Variants in ZNF69 observed in about 807,000 individuals in gnomAD.
The protein encoded by ZNF69 is ZNF3.
Under a neutral mutation model 50.9 loss-of-function variants are expected in ZNF69, and 47 were observed. The observed-to-expected ratio is 0.92, with a 90% CI of 0.73 to 1.18. The LOEUF (loss-of-function observed/expected upper bound fraction) is 1.18, where lower values mean the gene tolerates loss of function less well. Ranked by LOEUF, ZNF69 falls within the 50% of genes most tolerant of loss-of-function variation. The pLI is 0.00. For missense variants in ZNF69, 717 were observed against 675.1 expected, an observed-to-expected ratio of 1.06 and a Z score of -0.69; for synonymous variants, 216 against 223.1, an observed-to-expected ratio of 0.97 and a Z score of 0.29.
In ZNF69 at chr19:11,890,820, A is replaced by G. The variant is rs140331588; in HGVS notation, c.63+2834A>G. Among the ~76,000 whole-genome samples, 876 of 152,274 alleles carry G rather than the reference A, an allele frequency of 5.8e-3. 10 individuals are homozygous for G. Among genetic ancestry groups the G allele is most frequent in the African/African-American group, 0.02 (840 of 41,552 alleles). Reference sequence around the variant, plus strand: ...AGCCTCAGCTTTTATAAGGTACATGAGGAGACAAACCAGATAAATGCTTGA... The same window carrying G: ...AGCCTCAGCTTTTATAAGGTACATGGGGAGACAAACCAGATAAATGCTTGA... On this transcript the variant is annotated intron_variant, in intron 1 of 3. Transcript: ENST00000429654.
In ZNF69 at chr19:11,911,754, G is replaced by A. The variant is rs571144960; in HGVS notation, c.449-1655G>A. Among the ~76,000 whole-genome samples, 15 of 152,156 alleles carry A rather than the reference G, an allele frequency of 9.9e-5. No individual in the cohort carries two copies. The East Asian group carries it at 2.7e-3, about 27-fold the overall frequency. On this transcript the variant is annotated intron_variant, in intron 4 of 4. Transcript: ENST00000340180. ...TTAATGGGTACAGCACACCAACATG[G>A]CACGTGTATACATATGTAACAAACC...
chr19:11,888,026 G>C, intron 1 of ZNF69, 40 bp downstream of exon 1: 1 of 1,598,332 alleles, frequency 6.3e-7, no homozygotes, highest in Non-Finnish European at 8.6e-7. Context: ...CGGGGGAGGG[G>C]CTGCCTGGAC....
At chr19:11,957,541 G>T in the ZNF69 span, among the ~76,000 whole-genome samples, 1 of 152,006 alleles carries the variant, frequency 6.6e-6, no homozygotes, top group African/African-American at 2.4e-5. Context: ...GCCTAGAAGG[G>T]ATCAGTCAAA....
chr19:11,895,994 C>T (rs1353125563), intron 1 of ZNF69, among the ~76,000 whole-genome samples: 5 of 151,918 alleles, frequency 3.3e-5, no homozygotes, highest in East Asian at 1.9e-4. Context: ...CTGAGGCGGG[C>T]GGAACACCCG....
chr19:11,912,855 A>G (rs1972477416), intron 4 of ZNF69, among the ~76,000 whole-genome samples: 1 of 152,196 alleles, frequency 6.6e-6, no homozygotes, highest in Non-Finnish European at 1.5e-5. Context: ...TAAACAATTA[A>G]CTGTTTGTAA....
chr19:11,948,147 A>G, the ZNF69 span: 1 of 1,121,594 alleles, frequency 8.9e-7, no homozygotes, highest in Non-Finnish European at 1.3e-6. Flanking sequence ...GTCACCTTCA[A>G]ACGATTCAGA....
At position 11,900,200 on chromosome 19, in the gene ZNF69, C is replaced by T. The variant is rs555395528; in HGVS notation, c.64-3373C>T. ...AACTTTTGACCTCAGGTGATCCACC[C>T]GCCTCAGCTTCCCAAAGGGCTGGAT... On this transcript the variant is annotated intron_variant, in intron 1 of 3. Transcript: ENST00000429654. 4.6e-4 allele frequency among the ~76,000 whole-genome samples: 70 copies of T among 152,166 alleles called. 1 individual carries two copies. The Middle Eastern group carries it at 0.014, about 30-fold the overall frequency.
chr19:11,954,598 AG>A, the ZNF69 span, among the ~76,000 whole-genome samples: 1 of 152,176 alleles, frequency 6.6e-6, no homozygotes, highest in African/African-American at 2.4e-5. Flanking sequence ...TGGGAGGCCA[AG>A]GCAGGAGGAT....
chr19:11,911,808 TTAAAG>T (rs747318369), intron 4 of ZNF69, among the ~76,000 whole-genome samples: 1 of 152,096 alleles, frequency 6.6e-6, no homozygotes, highest in Non-Finnish European at 1.5e-5. Context: ...ACCCTAGAAC[TTAAAG>T]TATAATAATA....
the ZNF69 span, chr19:11,961,880 G>A: frequency 6.6e-6 from 1 of 151,902 alleles, no homozygotes; most frequent in Non-Finnish European, 1.5e-5. Flanking sequence ...GCTTTCCAAA[G>A]TGCTAGGATT....
the ZNF69 span, among the ~76,000 whole-genome samples, chr19:11,928,504 G>A: frequency 0.028 from 4,114 of 149,050 alleles, 237 homozygotes; most frequent in African/African-American, 0.097. Context: ...AGGCCGAGGC[G>A]GGCGGATCAC....
At chr19:11,948,124 T>G in the ZNF69 span, 1 of 879,334 alleles carries the variant, frequency 1.1e-6, no homozygotes, top group South Asian at 1.8e-5. Context: ...GGTCATCTTG[T>G]AGAACATGTC....
At chr19:11,928,273 T>C in the ZNF69 span, among the ~76,000 whole-genome samples, 1 of 152,322 alleles carries the variant, frequency 6.6e-6, no homozygotes, top group Middle Eastern at 3.4e-3. Flanking sequence ...GATACAGATA[T>C]CAGCCACTGC....
At chr19:11,895,186 G>C (rs1263751727) in intron 1 of ZNF69, among the ~76,000 whole-genome samples, 2 of 152,160 alleles carry the variant, frequency 1.3e-5, no homozygotes, top group African/African-American at 4.8e-5. Context: ...TTTTTCACTA[G>C]AGCCAAATCC....
intron 4 of ZNF69, among the ~76,000 whole-genome samples, chr19:11,912,527 T>C (rs1293550068): frequency 2.4e-4 from 37 of 152,216 alleles, no homozygotes; most frequent in Admixed American, 2.4e-3. Flanking sequence ...GGAGAAACCC[T>C]ATCAGTGTAA....
the ZNF69 span, chr19:11,965,002 T>G: frequency 7.8e-6 from 4 of 516,074 alleles, no homozygotes; most frequent in Non-Finnish European, 3.5e-6. Flanking sequence ...GGCAGGGCCC[T>G]GCCCATTGTT....
intron 1 of ZNF69, among the ~76,000 whole-genome samples, chr19:11,898,385 C>CTT (rs745487579): frequency 0.054 from 4,952 of 91,664 alleles, 232 homozygotes; most frequent in African/African-American, 0.11. Context: ...TTCCTCCTGG[C>CTT]TTTTTTTTTT....
the ZNF69 span, among the ~76,000 whole-genome samples, chr19:11,960,099 A>T: frequency 6.9e-6 from 1 of 145,404 alleles, no homozygotes; most frequent in Non-Finnish European, 1.5e-5. Context: ...CAGTGGCGTG[A>T]TCTCACCTCA....
At chr19:11,940,722 T>C in the ZNF69 span, among the ~76,000 whole-genome samples, 2 of 152,192 alleles carry the variant, frequency 1.3e-5, no homozygotes, top group African/African-American at 2.4e-5. Flanking sequence ...TATTCTCTTA[T>C]CTGGCCCCAC....
Sources: allele counts gnomAD v4.1 joint callset (sites outside exome capture counted in the v4.1 genomes callset), GRCh38; gene constraint gnomAD v4.1.1; transcripts MANE v1.5; gene names NCBI Gene and HGNC (gene_info 2026-07-23, HGNC 2026-07-21).